CACNA2D3: variants seen among roughly 807,000 people sequenced by gnomAD.
CACNA2D3 encodes calcium voltage-gated channel auxiliary subunit alpha2delta 3.
In CACNA2D3, 60 loss-of-function variants were observed where a neutral mutation model predicts 160.6. That is an observed-to-expected ratio of 0.37 (90% CI 0.30 to 0.46). The LOEUF is 0.46. Among genes scored for constraint, CACNA2D3 ranks in the 20% least tolerant of loss-of-function variants. The pLI is 1.00. For missense variants in CACNA2D3, 1,205 were observed against 1,365.0 expected (o/e 0.88, Z 1.85); for synonymous variants, 558 against 492.9 (o/e 1.13, Z -1.75).
chr3:54,383,313 T>C (rs1425528718), intron 3 of CACNA2D3, among the ~76,000 whole-genome samples: 1 of 152,196 alleles, frequency 6.6e-6, no homozygotes, highest in Non-Finnish European at 1.5e-5. Flanking sequence ...CAGCTGAGCC[T>C]GTTTTGGGAG....
intron 5 of CACNA2D3, among the ~76,000 whole-genome samples, chr3:54,508,869 G>A (rs2106956693): frequency 6.6e-6 from 1 of 152,324 alleles, no homozygotes; most frequent in Middle Eastern, 3.4e-3. Context: ...AACCACCACT[G>A]CAGAGCATGA....
At chr3:54,428,849 TTCCTACATCCGA>T (rs148583444) in intron 4 of CACNA2D3, among the ~76,000 whole-genome samples, 18,978 of 152,228 alleles carry the variant, frequency 0.12, 1,420 homozygotes, top group South Asian at 0.19. Context: ...TACTGTAGTG[TTCCTACATCCGA>T]TGAAGTTGAT....
At chr3:54,743,633 G>A (rs1028569714) in intron 11 of CACNA2D3, among the ~76,000 whole-genome samples, 1 of 152,170 alleles carries the variant, frequency 6.6e-6, no homozygotes, top group African/African-American at 2.4e-5. Flanking sequence ...TCAATTTTCT[G>A]ATCTGTTTTT....
intron 5 of CACNA2D3, among the ~76,000 whole-genome samples, chr3:54,524,593 C>A (rs977218459): frequency 1.3e-5 from 2 of 152,032 alleles, no homozygotes; most frequent in Non-Finnish European, 2.9e-5. Flanking sequence ...TTGAAGTCCT[C>A]ACCAGTCATT....
intron 4 of CACNA2D3, among the ~76,000 whole-genome samples, chr3:54,439,628 G>T (rs1371705645): frequency 2.0e-5 from 3 of 152,198 alleles, no homozygotes; most frequent in Non-Finnish European, 4.4e-5. Context: ...AACAGTGGGT[G>T]GCTGTGTTTT....
chr3:55,044,305 A>G (rs1704026454), intron 35 of CACNA2D3, among the ~76,000 whole-genome samples: 1 of 152,166 alleles, frequency 6.6e-6, no homozygotes. Context: ...AGTTTTCAAT[A>G]TAATGATTTT....
At chr3:54,178,450 G>A (rs1024211875) in intron 2 of CACNA2D3, among the ~76,000 whole-genome samples, 2 of 152,214 alleles carry the variant, frequency 1.3e-5, no homozygotes, top group Non-Finnish European at 2.9e-5. Context: ...TGCCTACCCA[G>A]AGAGTCAGCC....
intron 3 of CACNA2D3, among the ~76,000 whole-genome samples, chr3:54,342,983 C>T (rs963471897): frequency 3.3e-5 from 5 of 152,210 alleles, no homozygotes; most frequent in African/African-American, 1.2e-4. Flanking sequence ...CAAGACCACT[C>T]CTTCACATCA....
intron 4 of CACNA2D3, among the ~76,000 whole-genome samples, chr3:54,478,162 G>A (rs1479136474): frequency 6.6e-6 from 1 of 151,996 alleles, no homozygotes; most frequent in Non-Finnish European, 1.5e-5. Flanking sequence ...ATGCTACAAA[G>A]TTATCTTTTA....
chr3:54,883,908 A>G (rs1365757587), intron 21 of CACNA2D3, among the ~76,000 whole-genome samples: 1 of 150,350 alleles, frequency 6.7e-6, no homozygotes, highest in Non-Finnish European at 1.5e-5. Context: ...CCTTGCTACC[A>G]TCTGATATTC....
chr3:54,567,187 A>T (rs973307989), intron 6 of CACNA2D3, among the ~76,000 whole-genome samples: 5 of 152,196 alleles, frequency 3.3e-5, no homozygotes, highest in Non-Finnish European at 1.5e-5. Flanking sequence ...CTTTTTAGAG[A>T]AGTGCATAGG....
At chr3:54,459,229 CAT>C (rs1188809689) in intron 4 of CACNA2D3, among the ~76,000 whole-genome samples, 3 of 151,888 alleles carry the variant, frequency 2.0e-5, no homozygotes, top group Non-Finnish European at 2.9e-5. Context: ...CTGCAATAAA[CAT>C]ATGTGTGCAT....
intron 29 of CACNA2D3, among the ~76,000 whole-genome samples, chr3:54,982,749 G>A (rs1403345671): frequency 6.6e-6 from 1 of 151,724 alleles, no homozygotes; most frequent in African/African-American, 2.4e-5. Flanking sequence ...AACAAGGGGT[G>A]GATGATTCAT....
intron 5 of CACNA2D3, among the ~76,000 whole-genome samples, chr3:54,504,330 G>A (rs993814850): frequency 3.8e-4 from 58 of 152,126 alleles, no homozygotes; most frequent in Non-Finnish European, 5.7e-4. Flanking sequence ...CAAGGACTGG[G>A]CTCTGACATC....
At chr3:54,635,681 G>A (rs1699354544) in intron 10 of CACNA2D3, among the ~76,000 whole-genome samples, 1 of 151,824 alleles carries the variant, frequency 6.6e-6, no homozygotes, top group Non-Finnish European at 1.5e-5. Context: ...GGCTGAGCTT[G>A]GTGAGGTGTG....
At chr3:54,367,453 A>C (rs1698845932) in intron 3 of CACNA2D3, 1 of 160,606 alleles carries the variant, frequency 6.2e-6, no homozygotes, top group South Asian at 1.5e-4. Flanking sequence ...AGAAAGGAAA[A>C]CTGTAGGGTC....
At chr3:54,223,678 AC>A (rs1701616021) in intron 2 of CACNA2D3, among the ~76,000 whole-genome samples, 2 of 151,872 alleles carry the variant, frequency 1.3e-5, no homozygotes, top group Admixed American at 6.6e-5. Context: ...ACATGGTGAA[AC>A]CCCGTCTCTA....
At chr3:54,539,540 G>A (rs1043323539) in intron 5 of CACNA2D3, among the ~76,000 whole-genome samples, 8 of 152,286 alleles carry the variant, frequency 5.3e-5, no homozygotes, top group South Asian at 2.1e-4. Flanking sequence ...GAAGGTGTGC[G>A]TCTCTTTGCC....
chr3:54,659,265 G>C (rs1699926674), intron 11 of CACNA2D3, among the ~76,000 whole-genome samples: 1 of 152,214 alleles, frequency 6.6e-6, no homozygotes, highest in Admixed American at 6.5e-5. Context: ...GAAGTGCCCA[G>C]AGTGGTGCCT....
Sources: gnomAD v4.1 joint callset for allele counts (sites outside exome capture counted in the v4.1 genomes callset) on GRCh38, gnomAD v4.1.1 for gene constraint, MANE v1.5 for transcripts, NCBI Gene and HGNC (gene_info 2026-07-23, HGNC 2026-07-21) for gene names.